The following AGBL3 variants were observed in gnomAD, a reference collection of about 807,000 sequenced individuals.
AGBL3 encodes AGBL carboxypeptidase 3, also known as cytosolic carboxypeptidase 3.
Under a neutral mutation model 94.5 loss-of-function variants are expected in AGBL3, and 68 were observed. That is an observed-to-expected ratio of 0.72 (90% CI 0.59 to 0.88). AGBL3 has a LOEUF of 0.88. AGBL3 is among the 40% of genes least tolerant of loss of function. The probability of loss-of-function intolerance (pLI) is 0.00; values close to 1 mark genes in which losing one functional copy is unlikely to be tolerated. For missense variants in AGBL3, 934 were observed against 1,103.8 expected (o/e 0.85, Z 2.18); for synonymous variants, 354 against 370.7 (o/e 0.95, Z 0.52).
chr7:135,091,683 T>G (rs73442105), intron 15 of AGBL3, among the ~76,000 whole-genome samples: 2,894 of 152,266 alleles, frequency 0.019, 105 homozygotes, highest in African/African-American at 0.065. Context: ...CTTCCAGTGA[T>G]CCTCTGACCC....
intron 5 of AGBL3, 170 bp downstream of exon 5, chr7:135,017,329 T>A (rs1008238648): frequency 6.8e-6 from 4 of 588,436 alleles, no homozygotes; most frequent in Admixed American, 3.0e-5. Context: ...CCAGTTATAT[T>A]TTTGAAGGTG....
chr7:135,010,300 T>TG (rs1263501587), intron 4 of AGBL3: 11 of 256,682 alleles, frequency 4.3e-5, no homozygotes, highest in African/African-American at 2.4e-4. Context: ...TGCTGGGTTT[T>TG]TTTTTGTTGT....
chr7:135,017,087 C>T lies in AGBL3; in HGVS notation c.346C>T (p.Pro116Ser). Residue 116 changes from proline (P) to serine (S), a missense_variant, in exon 5 of 17, where the codon CCA (proline) becomes TCA (serine). Coordinates refer to ENST00000436302, the MANE Select transcript of AGBL3 (RefSeq NM_178563.4). ...TPSCPEPVYIPTGLETEPLYP... is the reference protein window; with the variant it reads ...TPSCPEPVYISTGLETEPLYP... ...TTCTTGTCCTGAGCCAGTGTATATCCCAACGGGCTTAGAAACGGAACCCCT... is the reference window on the plus strand; with the variant it reads ...TTCTTGTCCTGAGCCAGTGTATATCTCAACGGGCTTAGAAACGGAACCCCT... 1.3e-6 allele frequency: 2 copies of T among 1,550,478 alleles called. No homozygotes were observed. The highest frequency in any genetic ancestry group is 1.7e-6 in the Non-Finnish European group (2 of 1,145,764).
At chr7:135,128,878 T>C in intron 16 of AGBL3, 2 of 1,349,980 alleles carry the variant, frequency 1.5e-6, no homozygotes, top group Non-Finnish European at 2.1e-6. Context: ...ATCTTGGACT[T>C]TGATCAAGCT....
intron 8 of AGBL3, 131 bp downstream of exon 8, chr7:135,037,711 G>A (rs952189939): frequency 2.8e-6 from 2 of 714,556 alleles, no homozygotes; most frequent in Admixed American, 4.0e-5. Flanking sequence ...TTATACAATT[G>A]ACAATAAGAA....
chr7:135,106,458 T>G (rs527690621), intron 15 of AGBL3, among the ~76,000 whole-genome samples: 39 of 152,352 alleles, frequency 2.6e-4, no homozygotes, highest in African/African-American at 8.9e-4. Context: ...CTTTTCTGCA[T>G]CTATTGAGAA....
At chr7:135,022,821 T>C (rs543379829) in intron 5 of AGBL3, among the ~76,000 whole-genome samples, 8 of 152,238 alleles carry the variant, frequency 5.3e-5, no homozygotes, top group African/African-American at 1.9e-4. Context: ...TGAAAATCTG[T>C]CTTTTAATTA....
rs1809459454 is a variant in AGBL3 at position 134,986,592 on chromosome 7, TCTC to T, written c.-167_-165del. ...TACTTCTAGCGGCTGGATACCGGGTTCTCCGCGAGATCGCGAGATCCCGAGATA... is the reference window on the plus strand; with the variant it reads ...TACTTCTAGCGGCTGGATACCGGGTTCGCGAGATCGCGAGATCCCGAGATA... On this transcript the variant is annotated 5_prime_UTR_variant, in exon 1 of 17. Transcript: ENST00000436302. 1 of 69,514 alleles carries T rather than the reference TCTC, an allele frequency of 1.4e-5. No homozygotes were observed. 4.3% of individuals were successfully genotyped at this position (69,514 alleles called of 1,614,324 possible). A position where few individuals can be genotyped will look rare whatever the true frequency, so the allele number is the denominator to read the frequency against.
chr7:135,032,471 ATTT>A lies in AGBL3; in HGVS notation c.419-358_419-356del, dbSNP rs375307379. ...AGGCACGTGCCACCACACCTGGCTA[ATTT>A]TTTTTTTTTTTTTTGTATTTTTAGT... On this transcript the variant is annotated intron_variant, in intron 5 of 16. Coordinates refer to ENST00000436302, the MANE Select transcript of AGBL3 (RefSeq NM_178563.4). 4.9e-3 allele frequency among the ~76,000 whole-genome samples: 657 copies of A among 134,394 alleles called. 3 individuals carry two copies. Among genetic ancestry groups the A allele is most frequent in the African/African-American group, 0.017 (627 of 36,602 alleles). 88.2% of individuals were successfully genotyped at this position (134,394 alleles called of 152,430 possible).
At chr7:135,046,923 ATTTT>A in intron 11 of AGBL3, among the ~76,000 whole-genome samples, 1 of 151,760 alleles carries the variant, frequency 6.6e-6, no homozygotes, top group South Asian at 2.1e-4. Context: ...TTACTTCTTT[ATTTT>A]TCATTTTATT....
At chr7:135,043,963 A>G in intron 8 of AGBL3, 62 bp from the exon 9 acceptor site, 1 of 1,509,142 alleles carries the variant, frequency 6.6e-7, no homozygotes, top group Non-Finnish European at 8.9e-7. Flanking sequence ...TTTTAATACT[A>G]CTTTCAAAAA....
At chr7:135,015,781 G>C (rs1813706506) in intron 4 of AGBL3, among the ~76,000 whole-genome samples, 1 of 151,208 alleles carries the variant, frequency 6.6e-6, no homozygotes, top group Non-Finnish European at 1.5e-5. Flanking sequence ...TTGGGAGGCC[G>C]TGGCAGGTGG....
Position 134,986,519 on chromosome 7 carries a change from A to AGTTGGGAGTTG in AGBL3, c.-242_-241insGTTGGGAGTTG, listed in dbSNP as rs1214262267. On this transcript the variant is annotated 5_prime_UTR_variant, in exon 1 of 17. The change abolishes the stop of an existing upstream ORF in the 5' untranslated region. Transcript: ENST00000436302. Reference sequence around the variant, plus strand: ...GCGAGGGCGGACCCGTTGCCTGATGACGAGAGTTGGGAGTGTGGCTGGGGC... The same window carrying AGTTGGGAGTTG: ...GCGAGGGCGGACCCGTTGCCTGATGAGTTGGGAGTTGCGAGAGTTGGGAGTGTGGCTGGGGC... 2.0e-5 allele frequency: 3 copies of AGTTGGGAGTTG among 152,330 alleles called. No individual in the cohort carries two copies. The highest frequency in any genetic ancestry group is 2.9e-5 in the Non-Finnish European group (2 of 68,126). The allele number at this position is 152,330 out of a possible 1,614,324, so 9.4% of individuals were successfully genotyped here.
chr7:135,103,391 A>G (rs540168620), intron 15 of AGBL3, among the ~76,000 whole-genome samples: 6 of 152,316 alleles, frequency 3.9e-5, no homozygotes, highest in Admixed American at 2.0e-4. Context: ...TCTCACAACT[A>G]TCAATAATCT....
At chr7:135,121,426 T>C (rs565402840) in intron 16 of AGBL3, among the ~76,000 whole-genome samples, 31 of 152,182 alleles carry the variant, frequency 2.0e-4, no homozygotes, top group African/African-American at 7.2e-4. Context: ...GTGGATCATA[T>C]ACCAAGATAG....
chr7:135,133,461 A>G (rs1829072113), intron 16 of AGBL3, among the ~76,000 whole-genome samples: 1 of 152,238 alleles, frequency 6.6e-6, no homozygotes, highest in Non-Finnish European at 1.5e-5. Flanking sequence ...GCATTAAAAT[A>G]GCAAAAACAA....
chr7:135,047,028 CTA>C (rs978734694), intron 11 of AGBL3, among the ~76,000 whole-genome samples: 7 of 151,982 alleles, frequency 4.6e-5, no homozygotes, highest in African/African-American at 7.2e-5. Flanking sequence ...GAGCAGATCT[CTA>C]GAGTTTATGC....
intron 12 of AGBL3, among the ~76,000 whole-genome samples, chr7:135,074,556 T>C (rs927792142): frequency 1.3e-5 from 2 of 152,176 alleles, no homozygotes; most frequent in Admixed American, 6.5e-5. Context: ...TTCTCTGCTG[T>C]GCCATCACAT....
Position 135,091,559 on chromosome 7 carries a change from G to A in AGBL3, c.2110+9769G>A, listed in dbSNP as rs976217918. On this transcript the variant is annotated intron_variant, in intron 15 of 16. Transcript: ENST00000436302. ...ATTCATTGTTCTTTTTGAGGGCTGTGAACTAGGGTCTTCTAGTTAGCCATC... is the reference window on the plus strand; with the variant it reads ...ATTCATTGTTCTTTTTGAGGGCTGTAAACTAGGGTCTTCTAGTTAGCCATC... 1.2e-4 allele frequency among the ~76,000 whole-genome samples: 19 copies of A among 152,170 alleles called. 1 individual carries two copies. The highest frequency in any genetic ancestry group is 4.6e-4 in the African/African-American group (19 of 41,442).
Sources: allele counts gnomAD v4.1 joint callset (sites outside exome capture counted in the v4.1 genomes callset), GRCh38; gene constraint gnomAD v4.1.1; transcripts MANE v1.5; gene names NCBI Gene and HGNC (gene_info 2026-07-23, HGNC 2026-07-21).